The following PXK variants were observed in gnomAD, a reference collection of about 807,000 sequenced individuals.
PXK encodes the protein PX domain-containing protein kinase-like protein.
Under a neutral mutation model 84.7 loss-of-function variants are expected in PXK, and 35 were observed. The observed-to-expected ratio is 0.41, with a 90% CI of 0.32 to 0.55. The LOEUF (loss-of-function observed/expected upper bound fraction) is 0.55, where lower values mean the gene tolerates loss of function less well. Ranked by LOEUF, PXK falls within the 20% of genes least tolerant of loss-of-function variation. The probability of loss-of-function intolerance (pLI) is 0.21; values close to 1 mark genes in which losing one functional copy is unlikely to be tolerated. For synonymous variants in PXK, 253 were observed against 260.8 expected (o/e 0.97, Z 0.29); for missense variants, 634 against 699.7 (o/e 0.91, Z 1.06).
Position 58,396,964 on chromosome 3 carries a change from TA to T in PXK, c.823-69del. The T allele has an allele frequency of 2.0e-6, 3 of 1,477,914 alleles. No homozygotes were observed. The South Asian group carries it at 4.0e-5, about 20-fold the overall frequency. The allele number at this position is 1,477,914 out of a possible 1,614,324, so 91.6% of individuals were successfully genotyped here. A position where few individuals can be genotyped will look rare whatever the true frequency, so the allele number is the denominator to read the frequency against. On this transcript the variant is annotated intron_variant, in intron 9 of 17. Coordinates refer to ENST00000356151, the MANE Select transcript of PXK (RefSeq NM_017771.5). ...TGGTTTTGTTTCAAAATATATTGACTAAAAAACAAAGTTTAACTTGTCTTAT... is the reference window on the plus strand; with the variant it reads ...TGGTTTTGTTTCAAAATATATTGACTAAAAACAAAGTTTAACTTGTCTTAT...
In PXK at chr3:58,397,001, G is replaced by C; in HGVS notation, c.823-38G>C. The C allele has an allele frequency of 6.3e-7, 1 of 1,582,782 alleles. No individual in the cohort carries two copies. Among genetic ancestry groups the C allele is most frequent in the South Asian group, 1.1e-5 (1 of 87,896 alleles). On this transcript the variant is annotated intron_variant, in intron 9 of 17. Coordinates refer to ENST00000356151, the MANE Select transcript of PXK (RefSeq NM_017771.5). The surrounding 1 kb of genome is among the most constrained non-coding windows in gnomAD (Gnocchi z 4.7). ...TTTAACTTGTCTTATATCTGAATGA[G>C]TTTGGGGAAAATGTAACTTTCCCAT...
At chr3:58,351,398 TG>T (rs1225139330) in intron 1 of PXK, among the ~76,000 whole-genome samples, 3,135 of 71,800 alleles carry the variant, frequency 0.044, 106 homozygotes, top group African/African-American at 0.19. Context: ...TAGCTATTTG[TG>T]TGTGTGTGTG....
chr3:58,389,829 G>A lies in PXK; in HGVS notation c.389-753G>A, dbSNP rs375887421. Among the ~76,000 whole-genome samples, 42 of 151,684 alleles carry A rather than the reference G, an allele frequency of 2.8e-4. No homozygotes were observed. In the South Asian group the frequency reaches 3.5e-3, roughly 13 times the overall value. On this transcript the variant is annotated intron_variant, in intron 4 of 17. Coordinates refer to ENST00000356151, the MANE Select transcript of PXK (RefSeq NM_017771.5). Reference sequence around the variant, plus strand: ...AGCCTGAACAACATGGAGAAACCCCGTTTCTACTAAAAATACAAAATTAGC... The same window carrying A: ...AGCCTGAACAACATGGAGAAACCCCATTTCTACTAAAAATACAAAATTAGC...
intron 3 of PXK, among the ~76,000 whole-genome samples, chr3:58,376,250 A>T (rs1365626419): frequency 6.6e-6 from 1 of 151,954 alleles, no homozygotes; most frequent in Non-Finnish European, 1.5e-5. Flanking sequence ...CCCCATCTCT[A>T]CTAAAAATAC....
rs1232900929 is a variant in PXK at position 58,414,590 on chromosome 3, C to T, written c.1528+1627C>T. The T allele has an allele frequency of 1.3e-5, 2 of 150,116 alleles. No homozygotes were observed. Among genetic ancestry groups the T allele is most frequent in the African/African-American group, 4.9e-5 (2 of 40,966 alleles). The allele number at this position is 150,116 out of a possible 1,614,324, so 9.3% of individuals were successfully genotyped here. On this transcript the variant is annotated intron_variant, in intron 17 of 17. Coordinates refer to ENST00000356151, the MANE Select transcript of PXK (RefSeq NM_017771.5). The surrounding 1 kb of genome is among the most constrained non-coding windows in gnomAD (Gnocchi z 4.5). ...CTTGGAGGTGAGTGGGAGGGGCATT[C>T]CTGTGAATTTGATAGCACCCAGCCT... is the stretch of plus-strand genomic sequence containing the variant.
chr3:58,355,963 C>T (rs2098069702), intron 1 of PXK, among the ~76,000 whole-genome samples: 3 of 151,538 alleles, frequency 2.0e-5, no homozygotes, highest in Non-Finnish European at 4.4e-5. Context: ...ATAGCTCATT[C>T]GATCTCGCTG....
intron 4 of PXK, 88 bp downstream of exon 4, chr3:58,382,788 C>A: frequency 9.7e-7 from 1 of 1,030,930 alleles, no homozygotes; most frequent in Non-Finnish European, 1.3e-6. Flanking sequence ...GAAATGTTTT[C>A]TCAAAATGGG....
chr3:58,369,589 G>T (rs749696503), intron 3 of PXK, 111 bp downstream of exon 3: 3 of 775,264 alleles, frequency 3.9e-6, no homozygotes, highest in African/African-American at 1.7e-5. Flanking sequence ...ACTTGGGGAG[G>T]CCAATGCGGG....
Position 58,344,562 on chromosome 3 carries a change from G to A in PXK, c.102+11472G>A, listed in dbSNP as rs140092324. On this transcript the variant is annotated intron_variant, in intron 1 of 17. Transcript: ENST00000356151. ...TGGTCGGCTGGGCACAGTGGCTTAT[G>A]CCTGTAATCCCAGCACTTTGGGAAG... Among the ~76,000 whole-genome samples, 60 of 152,296 alleles carry A rather than the reference G, an allele frequency of 3.9e-4. 1 individual carries two copies. The highest frequency in any genetic ancestry group is 1.4e-3 in the African/African-American group (59 of 41,566).
At position 58,354,502 on chromosome 3, in the gene PXK, A is replaced by G. The variant is rs557039496; in HGVS notation, c.103-11372A>G. On this transcript the variant is annotated intron_variant, in intron 1 of 17. Transcript: ENST00000356151. ...CTCACTCTGTCACAGGCTGGAGTGCAGTGGCCTGATCTCAGCTCACTGCAA... is the reference window on the plus strand; with the variant it reads ...CTCACTCTGTCACAGGCTGGAGTGCGGTGGCCTGATCTCAGCTCACTGCAA... Among the ~76,000 whole-genome samples the G allele has an allele frequency of 3.6e-3, 529 of 148,694 alleles. 4 individuals carry two copies. Among genetic ancestry groups the G allele is most frequent in the Non-Finnish European group, 6.2e-3 (417 of 67,480 alleles).
chr3:58,402,337 G>C (rs2058713324), intron 12 of PXK, among the ~76,000 whole-genome samples: 1 of 149,294 alleles, frequency 6.7e-6, no homozygotes, highest in Non-Finnish European at 1.5e-5. Flanking sequence ...GAGCTCAAAG[G>C]GTCCTCCCAC....
At chr3:58,349,769 G>A (rs72870793) in intron 1 of PXK, among the ~76,000 whole-genome samples, 2,967 of 152,238 alleles carry the variant, frequency 0.019, 88 homozygotes, top group African/African-American at 0.066. Context: ...CAGTCCCTTC[G>A]TCACCCTATC....
chr3:58,380,895 A>G (rs2098492564), intron 3 of PXK, among the ~76,000 whole-genome samples: 1 of 152,216 alleles, frequency 6.6e-6, no homozygotes, highest in African/African-American at 2.4e-5. Flanking sequence ...TAAGGGGAGG[A>G]TAAAGACATC....
chr3:58,335,041 G>A, intron 1 of PXK, among the ~76,000 whole-genome samples: 1 of 150,650 alleles, frequency 6.6e-6, no homozygotes, highest in Non-Finnish European at 1.5e-5. Context: ...GTGTGTGTGT[G>A]TGTGTGTGTG....
At position 58,383,377 on chromosome 3, in the gene PXK, A is replaced by T. The variant is rs1576364249; in HGVS notation, c.388+677A>T. ...TTTTGACCTCTAATCAACACCTTAT[A>T]CATACAATAATCTTAATCTGATTTG... On this transcript the variant is annotated intron_variant, in intron 4 of 17. Transcript: ENST00000356151. This position sits in a 1 kb window ranked among gnomAD's most constrained non-coding sequence, Gnocchi z 4.0. 6.6e-6 allele frequency among the ~76,000 whole-genome samples: 1 copy of T among 152,320 alleles called. No individual in the cohort carries two copies. Among genetic ancestry groups the T allele is most frequent in the East Asian group, 1.9e-4 (1 of 5,190 alleles).
In PXK at chr3:58,383,693, A is replaced by G. The variant is rs144449472; in HGVS notation, c.388+993A>G. Among the ~76,000 whole-genome samples the G allele has an allele frequency of 4.3e-4, 65 of 152,356 alleles. 1 individual carries two copies. Among genetic ancestry groups the G allele is most frequent in the African/African-American group, 1.5e-3 (64 of 41,586 alleles). Reference sequence around the variant, plus strand: ...AGCAGAATGAGAAACTAAATACTTAATACATTCTGGTGTCACTTTGAAAAG... The same window carrying G: ...AGCAGAATGAGAAACTAAATACTTAGTACATTCTGGTGTCACTTTGAAAAG... On this transcript the variant is annotated intron_variant, in intron 4 of 17. Transcript: ENST00000356151. The surrounding 1 kb of genome is among the most constrained non-coding windows in gnomAD (Gnocchi z 4.0).
At chr3:58,392,185 C>G (rs1336493248) in intron 7 of PXK, among the ~76,000 whole-genome samples, 3 of 92,356 alleles carry the variant, frequency 3.2e-5, no homozygotes, top group African/African-American at 1.1e-4. Flanking sequence ...CCTGAGAAAA[C>G]AGAACTAATG....
chr3:58,373,375 G>C (rs1218626390), intron 3 of PXK, among the ~76,000 whole-genome samples: 1 of 152,054 alleles, frequency 6.6e-6, no homozygotes, highest in Non-Finnish European at 1.5e-5. Context: ...GCGCCTGGCC[G>C]AGTCCATCAT....
chr3:58,406,211 G>A (rs1002361399), intron 13 of PXK, among the ~76,000 whole-genome samples: 7 of 151,986 alleles, frequency 4.6e-5, no homozygotes, highest in African/African-American at 9.7e-5. Flanking sequence ...CACTCACCTC[G>A]GCCTCCCAAA....
Sources: gnomAD v4.1 joint callset for allele counts (sites outside exome capture counted in the v4.1 genomes callset) on GRCh38, gnomAD v4.1.1 for gene constraint, Gnocchi (gnomAD v3.1) non-coding constraint, MANE v1.5 for transcripts, NCBI Gene and HGNC (gene_info 2026-07-23, HGNC 2026-07-21) for gene names.